ARMH4: variants seen among roughly 807,000 people sequenced by gnomAD.
ARMH4 encodes armadillo-like helical domain-containing protein 4.
A neutral mutation model predicts 61.9 loss-of-function variants in ARMH4; 49 were observed. The observed-to-expected ratio is 0.79, with a 90% CI of 0.63 to 1.00. The LOEUF (loss-of-function observed/expected upper bound fraction) is 1.00, where lower values mean the gene tolerates loss of function less well. Ranked by LOEUF, ARMH4 falls within the 50% of genes least tolerant of loss-of-function variation. ARMH4 has a pLI of 0.00. For synonymous variants in ARMH4, 368 were observed against 341.5 expected (o/e 1.08, Z -0.85); for missense variants, 934 against 930.0 (o/e 1.00, Z -0.06).
chr14:58,128,469 G>A (rs1357552742), intron 4 of ARMH4, among the ~76,000 whole-genome samples: 2 of 152,180 alleles, frequency 1.3e-5, no homozygotes, highest in Non-Finnish European at 2.9e-5. Flanking sequence ...TGCCTGAAAT[G>A]AGTATAAGGC....
At chr14:58,143,883 C>G (rs1277509204) in intron 1 of ARMH4, among the ~76,000 whole-genome samples, 2 of 149,202 alleles carry the variant, frequency 1.3e-5, no homozygotes, top group Non-Finnish European at 2.9e-5. Context: ...AAGTGATTCT[C>G]CTGCCTCAAT....
At chr14:58,128,667 A>G (rs1176966884) in intron 4 of ARMH4, among the ~76,000 whole-genome samples, 2 of 152,212 alleles carry the variant, frequency 1.3e-5, no homozygotes, top group Non-Finnish European at 2.9e-5. Context: ...TTCAGTGACT[A>G]AGAAAAGGAA....
chr14:58,011,330 G>T (rs556765542), intron 6 of ARMH4, among the ~76,000 whole-genome samples: 1 of 152,216 alleles, frequency 6.6e-6, no homozygotes, highest in South Asian at 2.1e-4. Context: ...GAAATTGACT[G>T]CAGGTAATAA....
At chr14:58,057,382 C>A (rs1484205315) in intron 5 of ARMH4, among the ~76,000 whole-genome samples, 2 of 152,162 alleles carry the variant, frequency 1.3e-5, no homozygotes, top group Non-Finnish European at 2.9e-5. Context: ...ATTATTTAAT[C>A]CTTACAACAA....
intron 5 of ARMH4, among the ~76,000 whole-genome samples, chr14:58,088,606 C>T (rs1433415395): frequency 6.6e-6 from 1 of 152,172 alleles, no homozygotes; most frequent in African/African-American, 2.4e-5. Flanking sequence ...TCCCAGGCGT[C>T]TGGCAGATAC....
intron 5 of ARMH4, among the ~76,000 whole-genome samples, chr14:58,041,834 C>G (rs555456603): frequency 1.7e-3 from 252 of 152,038 alleles, no homozygotes; most frequent in African/African-American, 6.0e-3. Context: ...CAACAAAGAT[C>G]AAAAGAGACA....
chr14:58,052,139 G>T (rs1256079997), intron 5 of ARMH4, among the ~76,000 whole-genome samples: 1 of 151,990 alleles, frequency 6.6e-6, no homozygotes, highest in Non-Finnish European at 1.5e-5. Context: ...TCCCTCCTTC[G>T]GATTCACTTA....
intron 5 of ARMH4, among the ~76,000 whole-genome samples, chr14:58,056,863 T>C (rs1397849708): frequency 6.6e-6 from 1 of 152,212 alleles, no homozygotes; most frequent in Non-Finnish European, 1.5e-5. Context: ...TGCAGTTAGA[T>C]ATGGCCCTGT....
Position 58,138,236 on chromosome 14 carries a change from G to C in ARMH4, c.1123C>G (p.His375Asp). 1 of 1,614,236 alleles carries C rather than the reference G, an allele frequency of 6.2e-7. No homozygotes were observed. The highest frequency in any genetic ancestry group is 8.5e-7 in the Non-Finnish European group (1 of 1,180,042). Reference protein sequence around the residue: ...VALGLPEGETHTGTALLIAHG... With the variant: ...VALGLPEGETDTGTALLIAHG... Reference sequence around the variant, plus strand: ...GCTATTAGCAGGGCTGTGCCCGTGTGTGTTTCCCCTTCAGGCAGCCCCAGA... The same window carrying C: ...GCTATTAGCAGGGCTGTGCCCGTGTCTGTTTCCCCTTCAGGCAGCCCCAGA... The change falls in exon 2 of 8, where the codon CAC (histidine) becomes GAC (aspartate). Residue 375 changes from histidine (H) to aspartate (D), a missense_variant. His to Asp is a moderately conservative substitution (Grantham distance 81). Coordinates refer to ENST00000267485, the MANE Select transcript of ARMH4 (RefSeq NM_001001872.4).
At position 58,145,691 on chromosome 14, in the gene ARMH4, A is replaced by G. The variant is rs114309998; in HGVS notation, c.-56-6277T>C. Among the ~76,000 whole-genome samples, 1,152 of 152,360 alleles carry G rather than the reference A, an allele frequency of 7.6e-3. 17 individuals carry two copies. The highest frequency in any genetic ancestry group is 0.026 in the African/African-American group (1,085 of 41,586). The stretch of plus-strand genomic sequence containing the variant: ...TGTGATTGTCAGCCACCTGCTTTCT[A>G]AATTCAAATACAACAGAAAGAGTGG... On this transcript the variant is annotated intron_variant, in intron 1 of 7. Transcript: ENST00000267485.
intron 5 of ARMH4, among the ~76,000 whole-genome samples, chr14:58,020,437 C>T (rs1882782081): frequency 6.6e-6 from 1 of 152,150 alleles, no homozygotes; most frequent in Admixed American, 6.5e-5. Flanking sequence ...CTGTCTCTGT[C>T]TCTCATTGTG....
At chr14:58,044,184 T>C (rs1454013235) in intron 5 of ARMH4, among the ~76,000 whole-genome samples, 1 of 152,192 alleles carries the variant, frequency 6.6e-6, no homozygotes, top group Non-Finnish European at 1.5e-5. Context: ...AGAACAAAGC[T>C]GGAGGCATCA....
chr14:58,109,824 A>T (rs995152367), intron 4 of ARMH4, among the ~76,000 whole-genome samples: 2 of 152,188 alleles, frequency 1.3e-5, no homozygotes, highest in African/African-American at 2.4e-5. Context: ...GGTAATGCAT[A>T]AACAAAGGAG....
intron 5 of ARMH4, among the ~76,000 whole-genome samples, chr14:58,081,275 C>T (rs1885216121): frequency 6.6e-6 from 1 of 152,036 alleles, no homozygotes; most frequent in Non-Finnish European, 1.5e-5. Context: ...GCGTCTCAGG[C>T]CCCACCCAGA....
intron 5 of ARMH4, among the ~76,000 whole-genome samples, chr14:58,076,096 G>C (rs1181656043): frequency 6.6e-6 from 1 of 150,730 alleles, no homozygotes; most frequent in Non-Finnish European, 1.5e-5. Flanking sequence ...AGGAAGGGGA[G>C]GGGAAGGGGG....
intron 4 of ARMH4, among the ~76,000 whole-genome samples, chr14:58,117,174 C>T (rs1484841606): frequency 2.6e-5 from 4 of 152,110 alleles, no homozygotes; most frequent in African/African-American, 9.7e-5. Flanking sequence ...CATATACTTC[C>T]CTCTAGAAAA....
rs1207730931 is a variant in ARMH4 at position 58,122,622 on chromosome 14, T to TA, written c.1831+8889dup. Among the ~76,000 whole-genome samples the TA allele has an allele frequency of 8.1e-3, 1,212 of 150,510 alleles. 14 individuals carry two copies. Among genetic ancestry groups the TA allele is most frequent in the Non-Finnish European group, 9.3e-3 (629 of 67,524 alleles). ...GAGCGGTGGAACAGGACAAACGGTA[T>TA]AAAAAAAAAGGCCACCGCTTTAGTC... On this transcript the variant is annotated intron_variant, in intron 4 of 7. Transcript: ENST00000267485.
At chr14:58,014,893 T>C (rs1882549267) in intron 5 of ARMH4, among the ~76,000 whole-genome samples, 1 of 152,138 alleles carries the variant, frequency 6.6e-6, no homozygotes, top group Non-Finnish European at 1.5e-5. Context: ...AATCAGGGAC[T>C]CAGTTGGGTA....
intron 1 of ARMH4, among the ~76,000 whole-genome samples, chr14:58,140,005 C>G (rs1005283611): frequency 6.6e-6 from 1 of 152,118 alleles, no homozygotes; most frequent in Non-Finnish European, 1.5e-5. Context: ...CACAGTGGCT[C>G]ACACCTGTAA....
Sources: allele counts gnomAD v4.1 joint callset (sites outside exome capture counted in the v4.1 genomes callset), GRCh38; gene constraint gnomAD v4.1.1; transcripts MANE v1.5; gene names NCBI Gene and HGNC (gene_info 2026-07-23, HGNC 2026-07-21).